The following PHF24 variants were observed in gnomAD, a reference collection of about 807,000 sequenced individuals.
The protein encoded by PHF24 is Galpha inhibitory interacting protein.
Under a neutral mutation model 42.6 loss-of-function variants are expected in PHF24, and 25 were observed. That is an observed-to-expected ratio of 0.59 (90% CI 0.43 to 0.82). PHF24 has a LOEUF of 0.82. Among genes scored for constraint, PHF24 ranks in the 40% least tolerant of loss-of-function variants. PHF24 has a pLI of 0.00. For synonymous variants in PHF24, 185 were observed against 204.8 expected (o/e 0.90, Z 0.83); for missense variants, 470 against 538.1 (o/e 0.87, Z 1.25).
exon 2 of PHF24, chr9:34,971,591 G>A (rs771907866): frequency 3.7e-6 from 6 of 1,613,956 alleles, no homozygotes; most frequent in Non-Finnish European, 5.1e-6. Context: ...AGGACAAGTC[G>A]ATTCACACCC....
At chr9:34,713,233 C>G in the PHF24 span, among the ~76,000 whole-genome samples, 2 of 152,186 alleles carry the variant, frequency 1.3e-5, no homozygotes, top group Non-Finnish European at 2.9e-5. Context: ...AAGATTCTGT[C>G]CCTTTAAATC....
the PHF24 span, chr9:34,832,681 CTG>C: frequency 6.5e-7 from 1 of 1,542,502 alleles, no homozygotes; most frequent in Non-Finnish European, 8.8e-7. Context: ...AAGCTAGACT[CTG>C]TAAGGCTGGG....
At chr9:34,848,274 C>T in the PHF24 span, among the ~76,000 whole-genome samples, 2 of 151,788 alleles carry the variant, frequency 1.3e-5, no homozygotes, top group Non-Finnish European at 2.9e-5. Flanking sequence ...GCCACAATTT[C>T]AGAGCCTGTT....
chr9:34,821,829 A>G, the PHF24 span, among the ~76,000 whole-genome samples: 1 of 152,170 alleles, frequency 6.6e-6, no homozygotes, highest in Admixed American at 6.5e-5. Flanking sequence ...ATGGATTTCA[A>G]TCTCTAGTAT....
chr9:34,849,870 T>C, the PHF24 span, among the ~76,000 whole-genome samples: 1 of 152,122 alleles, frequency 6.6e-6, no homozygotes, highest in African/African-American at 2.4e-5. Flanking sequence ...AAGCTTAGTT[T>C]GGCTGGATAT....
chr9:34,906,005 A>AT, the PHF24 span, among the ~76,000 whole-genome samples: 2 of 151,794 alleles, frequency 1.3e-5, no homozygotes, highest in African/African-American at 2.4e-5. Flanking sequence ...CTCTACACAG[A>AT]TTTTTTGGTC....
At chr9:34,923,560 G>A in the PHF24 span, among the ~76,000 whole-genome samples, 5 of 152,116 alleles carry the variant, frequency 3.3e-5, no homozygotes, top group Admixed American at 6.5e-5. Flanking sequence ...TAGGTAGGTT[G>A]TATGTATGTA....
At chr9:34,736,611 T>C in the PHF24 span, among the ~76,000 whole-genome samples, 1 of 152,150 alleles carries the variant, frequency 6.6e-6, no homozygotes, top group Non-Finnish European at 1.5e-5. Flanking sequence ...CTGGCTGAAA[T>C]TTTCAAAACT....
At chr9:34,858,720 C>G in the PHF24 span, among the ~76,000 whole-genome samples, 1 of 152,150 alleles carries the variant, frequency 6.6e-6, no homozygotes, top group Non-Finnish European at 1.5e-5. Flanking sequence ...CTTTGTATTT[C>G]TGTTTAGCTC....
the PHF24 span, among the ~76,000 whole-genome samples, chr9:34,870,509 A>G: frequency 6.6e-6 from 1 of 151,760 alleles, no homozygotes; most frequent in Non-Finnish European, 1.5e-5. Flanking sequence ...TATAATTGGT[A>G]TTATACAGTA....
At chr9:34,805,587 C>T in the PHF24 span, among the ~76,000 whole-genome samples, 32 of 152,240 alleles carry the variant, frequency 2.1e-4, no homozygotes, top group African/African-American at 6.7e-4. Context: ...TATAAGAGTT[C>T]TTTATGTATT....
chr9:34,789,525 G>C, the PHF24 span, among the ~76,000 whole-genome samples: 1 of 152,300 alleles, frequency 6.6e-6, no homozygotes, highest in Non-Finnish European at 1.5e-5. Context: ...GTTTAAGGCA[G>C]AGAATCTTGA....
At chr9:34,971,788 C>A in intron 2 of PHF24, 112 bp downstream of exon 2, 1 of 1,241,146 alleles carries the variant, frequency 8.1e-7, no homozygotes, top group Non-Finnish European at 1.1e-6. Flanking sequence ...GAGCTGAGTC[C>A]AAAAAAATCT....
At chr9:34,788,564 C>T in the PHF24 span, among the ~76,000 whole-genome samples, 1 of 152,094 alleles carries the variant, frequency 6.6e-6, no homozygotes, top group Non-Finnish European at 1.5e-5. Flanking sequence ...AAAGGCTGGC[C>T]AAGATACCAA....
At chr9:34,717,264 A>G in the PHF24 span, among the ~76,000 whole-genome samples, 14,029 of 146,388 alleles carry the variant, frequency 0.096, 1,507 homozygotes, top group African/African-American at 0.27. Context: ...GTGGTCAATA[A>G]GGTTGGGATT....
intron 1 of PHF24, among the ~76,000 whole-genome samples, chr9:34,962,714 C>T (rs1473435018): frequency 6.6e-6 from 1 of 152,220 alleles, no homozygotes. Flanking sequence ...GCTCTGCTTG[C>T]TAAGTGCAGT....
At chr9:34,666,551 G>GCTTT in the PHF24 span, among the ~76,000 whole-genome samples, 3 of 58,828 alleles carry the variant, frequency 5.1e-5, no homozygotes. Context: ...ATCTTCTTGT[G>GCTTT]ATTTTTTTTT....
the PHF24 span, among the ~76,000 whole-genome samples, chr9:34,745,118 A>C: frequency 6.6e-6 from 1 of 152,246 alleles, no homozygotes; most frequent in Non-Finnish European, 1.5e-5. Context: ...GATTAGAGCA[A>C]GGAGCAGCCA....
the PHF24 span, among the ~76,000 whole-genome samples, chr9:34,680,707 T>TAA: frequency 1.8e-4 from 11 of 60,060 alleles, no homozygotes; most frequent in South Asian, 3.3e-3. Flanking sequence ...AATAAATAAA[T>TAA]AAAAAAAAAA....
Sources: gnomAD v4.1 joint callset for allele counts (sites outside exome capture counted in the v4.1 genomes callset) on GRCh38, gnomAD v4.1.1 for gene constraint, MANE v1.5 for transcripts, NCBI Gene and HGNC (gene_info 2026-07-23, HGNC 2026-07-21) for gene names.